PTCH2: variants seen among roughly 807,000 people sequenced by gnomAD.
The protein encoded by PTCH2 is patched 2.
A neutral mutation model predicts 117.9 loss-of-function variants in PTCH2; 96 were observed. The observed-to-expected ratio is 0.81, with a 90% CI of 0.69 to 0.96. The LOEUF is 0.96. Among genes scored for constraint, PTCH2 ranks in the 50% least tolerant of loss-of-function variants. The pLI is 0.00. For synonymous variants in PTCH2, 615 were observed against 660.9 expected, an observed-to-expected ratio of 0.93 and a Z score of 1.06; for missense variants, 1,379 against 1,562.5, an observed-to-expected ratio of 0.88 and a Z score of 1.98.
chr1:44,838,334 C>T (rs187708168), intron 2 of PTCH2, among the ~76,000 whole-genome samples: 4 of 151,914 alleles, frequency 2.6e-5, no homozygotes, highest in East Asian at 1.9e-4. Flanking sequence ...CTCTGCCTCC[C>T]GGGTTCAAGC....
In PTCH2 at chr1:44,823,553, G is replaced by A. The variant is rs1175875946; in HGVS notation, c.3115-168C>T. ...AGGGAGCATGCGTGAGTCCTTTTAG[G>A]TAACACTGTATGGATGGGTTTGGTG... On this transcript the variant is annotated intron_variant, in intron 19 of 21. Coordinates refer to ENST00000372192, the MANE Select transcript of PTCH2 (RefSeq NM_003738.5). The surrounding 1 kb of genome is among the most constrained non-coding windows in gnomAD (Gnocchi z 5.1). 6.6e-6 allele frequency among the ~76,000 whole-genome samples: 1 copy of A among 152,210 alleles called. No homozygotes were observed. Among genetic ancestry groups the A allele is most frequent in the African/African-American group, 2.4e-5 (1 of 41,448 alleles).
rs752799073 is a variant in PTCH2, at chr1:44,829,607, T to C, written c.1083+7A>G. On this transcript the variant is annotated splice_region_variant and intron_variant, in intron 8 of 21. Coordinates refer to ENST00000372192, the MANE Select transcript of PTCH2 (RefSeq NM_003738.5). ...AGGGCACCCCCCTTGTCCTTGTCCA[T>C]ACCGACCTGCACAAAGCGCCGCTGC... 1.2e-6 allele frequency: 2 copies of C among 1,614,196 alleles called. No individual in the cohort carries two copies. The highest frequency in any genetic ancestry group is 4.5e-5 in the East Asian group (2 of 44,878).
chr1:44,835,783 GAGA>G (rs1029752396), intron 2 of PTCH2, among the ~76,000 whole-genome samples: 5 of 152,158 alleles, frequency 3.3e-5, no homozygotes, highest in South Asian at 2.1e-4. Context: ...AGGTGCCCAC[GAGA>G]AGAAGTCAGG....
intron 2 of PTCH2, among the ~76,000 whole-genome samples, chr1:44,835,884 G>A (rs563809668): frequency 5.9e-5 from 9 of 152,296 alleles, no homozygotes; most frequent in African/African-American, 1.9e-4. Context: ...AGGAGCCAGC[G>A]GCAATGCTGG....
At chr1:44,839,993 G>A (rs1282690009) in intron 2 of PTCH2, among the ~76,000 whole-genome samples, 1 of 152,074 alleles carries the variant, frequency 6.6e-6, no homozygotes, top group East Asian at 1.9e-4. Flanking sequence ...AGGGCTGAGG[G>A]AGTCTACAAA....
Position 44,843,095 on chromosome 1 carries a change from TGGGA to T in PTCH2, c.-167_-164del. The T allele has an allele frequency of 7.2e-7, 1 of 1,389,980 alleles. No homozygotes were observed. The highest frequency in any genetic ancestry group is 9.3e-7 in the Non-Finnish European group (1 of 1,074,720). 86.1% of individuals were successfully genotyped at this position (1,389,980 alleles called of 1,614,324 possible). On this transcript the variant is annotated 5_prime_UTR_variant, in exon 1 of 22. Coordinates refer to ENST00000372192, the MANE Select transcript of PTCH2 (RefSeq NM_003738.5). Reference sequence around the variant, plus strand: ...TGTGGGGTGTGGGTGTTAAAGCGGCTGGGAGGGAGGAGTGCAGGGAGCTGCGGGT... The same window carrying T: ...TGTGGGGTGTGGGTGTTAAAGCGGCTGGGAGGAGTGCAGGGAGCTGCGGGT...
At chr1:44,836,296 A>G (rs1343872175) in intron 2 of PTCH2, among the ~76,000 whole-genome samples, 1 of 152,242 alleles carries the variant, frequency 6.6e-6, no homozygotes, top group East Asian at 1.9e-4. Context: ...GAGGCTACTA[A>G]TACATTTTTC....
Position 44,827,179 on chromosome 1 carries a change from C to T in PTCH2, c.2502G>A (p.Leu834=), listed in dbSNP as rs1196509300. 4.3e-6 allele frequency: 7 copies of T among 1,613,946 alleles called. No individual in the cohort carries two copies. The Admixed American group carries it at 6.7e-5, about 15-fold the overall frequency. The change falls in exon 16 of 22, where the codon CTG becomes CTA. Residue 834 remains leucine (L), a synonymous_variant. Transcript: ENST00000372192. ...LIQTGDAQEP[L]DFSQLTTRKL... Reference sequence around the variant, plus strand: ...GCCCTCTCCCAACCTGGCTGAAATCCAGAGGCTCCTGGGCGTCTCCAGTCT... The same window carrying T: ...GCCCTCTCCCAACCTGGCTGAAATCTAGAGGCTCCTGGGCGTCTCCAGTCT...
downstream of PTCH2, chr1:44,820,064 G>A (rs1231415988): frequency 4.4e-6 from 1 of 226,336 alleles, no homozygotes; most frequent in Non-Finnish European, 9.2e-6. Flanking sequence ...GTTGTTGGAT[G>A]CCTGCGTGGT....
At chr1:44,825,514 TTTTTTA>T (rs1653104959) in intron 19 of PTCH2, among the ~76,000 whole-genome samples, 1 of 152,162 alleles carries the variant, frequency 6.6e-6, no homozygotes, top group African/African-American at 2.4e-5. Flanking sequence ...TCCCGTATTC[TTTTTTA>T]TTTTTATTTT....
Position 44,832,322 on chromosome 1 carries a change from C to T in PTCH2, c.285G>A (p.Gln95=), listed in dbSNP as rs765572583. 11 of 1,614,240 alleles carry T rather than the reference C, an allele frequency of 6.8e-6. No homozygotes were observed. The highest frequency in any genetic ancestry group is 8.5e-6 in the Non-Finnish European group (10 of 1,180,048). Residue 95 remains glutamine (Q), a synonymous_variant, in exon 3 of 22, where the codon CAG becomes CAA. Transcript: ENST00000372192. ...LWVEVGSRVS[Q]ELHYTKEKLG... is the part of the protein sequence containing the mutation. ...GCTTCTCCTTGGTGTAATGCAGCTC[C>T]TGGCTCACCCGGCTGCCCACTGCCA...
intron 2 of PTCH2, among the ~76,000 whole-genome samples, chr1:44,838,287 G>A (rs11573554): frequency 0.012 from 1,893 of 152,244 alleles, 43 homozygotes; most frequent in African/African-American, 0.044. Flanking sequence ...TGTTGCGCAG[G>A]CTGGAGTACA....
rs1304102042 is a variant in PTCH2, at chr1:44,831,615, G to T, written c.617+91C>A. On this transcript the variant is annotated intron_variant, in intron 5 of 21. Transcript: ENST00000372192. The surrounding 1 kb of genome is among the most constrained non-coding windows in gnomAD (Gnocchi z 4.3). The stretch of plus-strand genomic sequence containing the variant: ...TGGGAGGTAATTAGGACCTTGGTAA[G>T]GTTTTGATCATCCTCATTCCCCAGA... 3 of 1,310,072 alleles carry T rather than the reference G, an allele frequency of 2.3e-6. No individual in the cohort carries two copies. Among genetic ancestry groups the T allele is most frequent in the South Asian group, 2.5e-5 (2 of 79,240 alleles). The allele number at this position is 1,310,072 out of a possible 1,614,324, so 81.2% of individuals were successfully genotyped here.
In PTCH2 at chr1:44,829,076, T is replaced by A; in HGVS notation, c.1372-2A>T. ...TCCCAGAGCCAAGAAGGGCAGCACC[T>A]GGAGGGGCAGAGGAGCGGGCAGCTG... On this transcript the variant is annotated splice_acceptor_variant, in intron 10 of 21. Coordinates refer to ENST00000372192, the MANE Select transcript of PTCH2 (RefSeq NM_003738.5). LOFTEE classifies it high-confidence loss of function. The A allele has an allele frequency of 1.9e-6, 3 of 1,612,296 alleles. No individual in the cohort carries two copies. Among genetic ancestry groups the A allele is most frequent in the Non-Finnish European group, 2.5e-6 (3 of 1,179,334 alleles).
At position 44,823,660 on chromosome 1, in the gene PTCH2, C is replaced by G. The variant is rs577206258; in HGVS notation, c.3115-275G>C. 6.6e-6 allele frequency among the ~76,000 whole-genome samples: 1 copy of G among 150,926 alleles called. No homozygotes were observed. Among genetic ancestry groups the G allele is most frequent in the Middle Eastern group, 3.7e-3 (1 of 272 alleles). ...CCCTGTCTCTTAAAACAAACAAGCC[C>G]GGGCACGGTGGCTCATGCCTGTAAT... On this transcript the variant is annotated intron_variant, in intron 19 of 21. Coordinates refer to ENST00000372192, the MANE Select transcript of PTCH2 (RefSeq NM_003738.5). The surrounding 1 kb of genome is among the most constrained non-coding windows in gnomAD (Gnocchi z 5.1).
Position 44,828,977 on chromosome 1 carries a change from C to A in PTCH2, c.1464+5G>T. On this transcript the variant is annotated splice_donor_5th_base_variant and intron_variant, in intron 11 of 21. Coordinates refer to ENST00000372192, the MANE Select transcript of PTCH2 (RefSeq NM_003738.5). ...TCAGATGAGCCCTGGGGGACAAGGC[C>A]CCACCTGGAGAGGGGTGCCAGGCAG... 1.3e-6 allele frequency: 2 copies of A among 1,553,934 alleles called. No homozygotes were observed. The highest frequency in any genetic ancestry group is 1.7e-6 in the Non-Finnish European group (2 of 1,148,252).
chr1:44,827,730 A>G lies in PTCH2; in HGVS notation c.2059-16T>C. The G allele has an allele frequency of 6.2e-7, 1 of 1,610,958 alleles. No homozygotes were observed. Among genetic ancestry groups the G allele is most frequent in the Non-Finnish European group, 8.5e-7 (1 of 1,179,918 alleles). On this transcript the variant is annotated splice_polypyrimidine_tract_variant and intron_variant, in intron 14 of 21. Transcript: ENST00000372192. ...GCACGATGGCCTGCGGGATGTAGCA[A>G]CTAAGCTGGAGACCCCAGGGCTGCC...
intron 2 of PTCH2, among the ~76,000 whole-genome samples, chr1:44,841,327 C>A (rs1653940046): frequency 6.6e-6 from 1 of 152,014 alleles, no homozygotes; most frequent in South Asian, 2.1e-4. Context: ...ATTAAATGGG[C>A]CTGGGTGCCT....
chr1:44,843,064 A>AGAGACTGTGGGGTGTGGGT lies in PTCH2; in HGVS notation c.-151_-133dup, dbSNP rs1654024689. The AGAGACTGTGGGGTGTGGGT allele has an allele frequency of 2.8e-6, 4 of 1,425,734 alleles. No individual in the cohort carries two copies. The East Asian group carries it at 7.7e-5, about 27-fold the overall frequency. The allele number at this position is 1,425,734 out of a possible 1,614,324, so 88.3% of individuals were successfully genotyped here. A position where few individuals can be genotyped will look rare whatever the true frequency, so the allele number is the denominator to read the frequency against. ...GGGGCCGCCAAGGCGCGGGCGTGGG[A>AGAGACTGTGGGGTGTGGGT]GAGACTGTGGGGTGTGGGTGTTAAA... On this transcript the variant is annotated 5_prime_UTR_variant, in exon 1 of 22. Transcript: ENST00000372192.
Sources: allele counts gnomAD v4.1 joint callset (sites outside exome capture counted in the v4.1 genomes callset), GRCh38; gene constraint gnomAD v4.1.1; non-coding constraint Gnocchi (gnomAD v3.1); transcripts MANE v1.5; gene names NCBI Gene and HGNC (gene_info 2026-07-23, HGNC 2026-07-21).